SHOC1: variants seen among roughly 807,000 people sequenced by gnomAD.
SHOC1 encodes the protein protein shortage in chiasmata 1 ortholog.
In SHOC1, 136 loss-of-function variants were observed where a neutral mutation model predicts 179.2. That is an observed-to-expected ratio of 0.76 (90% CI 0.66 to 0.87). The LOEUF (loss-of-function observed/expected upper bound fraction) is 0.87, where lower values mean the gene tolerates loss of function less well. Ranked by LOEUF, SHOC1 falls within the 40% of genes least tolerant of loss-of-function variation. The pLI is 0.00. For synonymous variants in SHOC1, 489 were observed against 586.6 expected (o/e 0.83, Z 2.41); for missense variants, 1,538 against 1,700.8 (o/e 0.90, Z 1.68).
intron 15 of SHOC1, 57 bp downstream of exon 15, chr9:111,722,352 G>T: frequency 6.8e-7 from 1 of 1,468,932 alleles, no homozygotes; most frequent in Non-Finnish European, 9.1e-7. Flanking sequence ...TTACTAATTT[G>T]ATACAATAAT....
intron 5 of SHOC1, among the ~76,000 whole-genome samples, chr9:111,773,980 T>A (rs1382029986): frequency 6.6e-6 from 1 of 152,142 alleles, no homozygotes; most frequent in Non-Finnish European, 1.5e-5. Context: ...AAAATCTAAA[T>A]TTATAAAGTG....
intron 14 of SHOC1, 63 bp from the exon 15 acceptor site, chr9:111,722,648 C>T: frequency 7.3e-7 from 1 of 1,366,348 alleles, no homozygotes. Flanking sequence ...TTTTGATGAA[C>T]CAATTAAATG....
chr9:111,691,504 T>A (rs1197381215), intron 27 of SHOC1, 47 bp downstream of exon 27: 2 of 1,499,804 alleles, frequency 1.3e-6, no homozygotes, highest in African/African-American at 1.4e-5. Context: ...TTTTATCTTT[T>A]AAAATTAAAT....
At position 111,792,887 on chromosome 9, in the gene SHOC1, CT is replaced by C. The variant is rs557546500; in HGVS notation, c.-36-1434del. On this transcript the variant is annotated intron_variant, in intron 1 of 27. Transcript: ENST00000682961. ...CTTTTCCACCCAGTGTATCACTGAT[CT>C]TTTTTTTTTTTTGAGACGGAGTCTC... 1.3e-3 allele frequency among the ~76,000 whole-genome samples: 191 copies of C among 145,780 alleles called. 6 individuals carry two copies. In the East Asian group the frequency reaches 0.023, roughly 18 times the overall value.
chr9:111,746,330 AT>A lies in SHOC1; in HGVS notation c.982del (p.Met328CysfsTer3). On this transcript the variant is annotated frameshift_variant, in exon 10 of 28. Transcript: ENST00000682961. LOFTEE classifies it high-confidence loss of function. ...TGTTAGGAATAGAGGAGTTAGTGGCATTTCTAACTCTCCTGGAATATATGAA... is the reference window on the plus strand; with the variant it reads ...TGTTAGGAATAGAGGAGTTAGTGGCATTCTAACTCTCCTGGAATATATGAA... Reference protein sequence around the residue: ...EECSKPGELEMPLTPLFLTCQ... With the variant: ...EECSKPGELEXPLTPLFLTCQ... The A allele has an allele frequency of 6.3e-7, 1 of 1,595,298 alleles. No individual in the cohort carries two copies. Among genetic ancestry groups the A allele is most frequent in the Admixed American group, 1.7e-5 (1 of 59,948 alleles).
intron 15 of SHOC1, among the ~76,000 whole-genome samples, chr9:111,719,772 G>A (rs894058271): frequency 7.9e-5 from 12 of 152,004 alleles, no homozygotes; most frequent in African/African-American, 2.4e-4. Flanking sequence ...CTGTGACCTC[G>A]CGGTTTTGGT....
At chr9:111,766,487 T>C (rs1835365255) in intron 5 of SHOC1, among the ~76,000 whole-genome samples, 1 of 152,234 alleles carries the variant, frequency 6.6e-6, no homozygotes, top group Non-Finnish European at 1.5e-5. Flanking sequence ...GCTGTTCTAA[T>C]TTACACTTCC....
intron 3 of SHOC1, 111 bp from the exon 4 acceptor site, chr9:111,781,128 A>T (rs1457355848): frequency 5.4e-6 from 4 of 735,892 alleles, no homozygotes; most frequent in Non-Finnish European, 8.9e-6. Context: ...TTATTCACAA[A>T]TGTATTTTTT....
In SHOC1 at chr9:111,775,968, T is replaced by C. The variant is rs1453832833; in HGVS notation, c.265A>G (p.Ile89Val). The C allele has an allele frequency of 5.0e-6, 8 of 1,611,926 alleles. No individual in the cohort carries two copies. Among genetic ancestry groups the C allele is most frequent in the Non-Finnish European group, 5.1e-6 (6 of 1,179,068 alleles). ...FVEDFLEKKT[I>V]TRMVTQINCE... ...TTAATCTGGGTCACCATTCTTGTAATTGTTTTTCTGTGACAATATAAAATT... is the reference window on the plus strand; with the variant it reads ...TTAATCTGGGTCACCATTCTTGTAACTGTTTTTCTGTGACAATATAAAATT... The change falls in exon 5 of 28, where the codon ATT (isoleucine) becomes GTT (valine). Residue 89 changes from isoleucine (I) to valine (V), a missense_variant. Transcript: ENST00000682961.
intron 24 of SHOC1, among the ~76,000 whole-genome samples, chr9:111,695,627 C>A (rs867876259): frequency 6.6e-6 from 1 of 152,258 alleles, no homozygotes; most frequent in Middle Eastern, 3.4e-3. Flanking sequence ...GGAGTTATTT[C>A]TAAACAGAAA....
chr9:111,758,251 T>C, intron 6 of SHOC1, 56 bp from the exon 7 acceptor site: 2 of 918,090 alleles, frequency 2.2e-6, no homozygotes, highest in Non-Finnish European at 3.3e-6. Flanking sequence ...ATACTAAATG[T>C]AGCCAACCAA....
At chr9:111,793,001 G>A (rs1307877831) in intron 1 of SHOC1, among the ~76,000 whole-genome samples, 1 of 152,036 alleles carries the variant, frequency 6.6e-6, no homozygotes, top group Non-Finnish European at 1.5e-5. Context: ...TCCTGCCTCA[G>A]CCTCCTGAGT....
chr9:111,753,656 A>C (rs10981053), intron 8 of SHOC1, among the ~76,000 whole-genome samples: 2 of 152,214 alleles, frequency 1.3e-5, no homozygotes, highest in African/African-American at 4.8e-5. Flanking sequence ...ATAGTTCAAC[A>C]TATGCAAATC....
chr9:111,793,431 C>T (rs1391107327), intron 1 of SHOC1, among the ~76,000 whole-genome samples: 1 of 152,146 alleles, frequency 6.6e-6, no homozygotes, highest in Non-Finnish European at 1.5e-5. Context: ...TGAAGTCAAC[C>T]ACTGAAATTC....
chr9:111,695,702 G>A (rs188459836), intron 24 of SHOC1, among the ~76,000 whole-genome samples: 44 of 152,244 alleles, frequency 2.9e-4, no homozygotes, highest in Middle Eastern at 3.4e-3. Context: ...CATCAATGGA[G>A]TCTTCAGCCA....
At chr9:111,769,975 G>GTTTTTTT in intron 5 of SHOC1, among the ~76,000 whole-genome samples, 11 of 87,798 alleles carry the variant, frequency 1.3e-4, no homozygotes, top group African/African-American at 2.1e-4. Context: ...TTTATCTTCT[G>GTTTTTTT]TTTTTTTTTT....
In SHOC1 at chr9:111,706,583, C is replaced by A; in HGVS notation, c.2722G>T (p.Asp908Tyr). 2 of 1,557,680 alleles carry A rather than the reference C, an allele frequency of 1.3e-6. No individual in the cohort carries two copies. The highest frequency in any genetic ancestry group is 2.5e-5 in the South Asian group (2 of 80,090). The change falls in exon 20 of 28, where the codon GAC becomes TAC. Residue 908 changes from aspartate (D) to tyrosine (Y), a missense_variant. By Grantham distance (160) the Asp-to-Tyr change is radical. Transcript: ENST00000682961. ...ATATTCTTACTTTCTAAAACTGTGT[C>A]TGGAAGAATCACTTTAAAGGCCATG... ...PYMAFKVILP[D>Y]TVLERSTLLD...
chr9:111,759,402 C>A (rs976960298), intron 5 of SHOC1: 2 of 1,459,200 alleles, frequency 1.4e-6, no homozygotes, highest in African/African-American at 2.8e-5. Context: ...AGCAAAGAAT[C>A]TACTTGAGGA....
chr9:111,722,587 T>C lies in SHOC1; in HGVS notation c.1955-2A>G. 6.3e-7 allele frequency: 1 copy of C among 1,589,522 alleles called. No homozygotes were observed. The highest frequency in any genetic ancestry group is 8.5e-7 in the Non-Finnish European group (1 of 1,174,550). On this transcript the variant is annotated splice_acceptor_variant, in intron 14 of 27. Coordinates refer to ENST00000682961, the MANE Select transcript of SHOC1 (RefSeq NM_001378211.1). LOFTEE classifies it high-confidence loss of function. ...GGCAAAATGCTTGGCACTGGCTATCTGCAAAAATAAAAGCATTAATGGCAG... is the reference window on the plus strand; with the variant it reads ...GGCAAAATGCTTGGCACTGGCTATCCGCAAAAATAAAAGCATTAATGGCAG...
Sources: allele counts gnomAD v4.1 joint callset (sites outside exome capture counted in the v4.1 genomes callset), GRCh38; gene constraint gnomAD v4.1.1; transcripts MANE v1.5; gene names NCBI Gene and HGNC (gene_info 2026-07-23, HGNC 2026-07-21).